The following TRPM7 variants were observed in gnomAD, a reference collection of about 807,000 sequenced individuals.
The protein encoded by TRPM7 is transient receptor potential cation channel subfamily M member 7, also known as LTRPC ion channel family member 7.
A neutral mutation model predicts 229.7 loss-of-function variants in TRPM7; 134 were observed. That is an observed-to-expected ratio of 0.58 (90% CI 0.51 to 0.67). The LOEUF (loss-of-function observed/expected upper bound fraction) is 0.67, where lower values mean the gene tolerates loss of function less well. Among genes scored for constraint, TRPM7 ranks in the 30% least tolerant of loss-of-function variants. The pLI is 0.00. For synonymous variants in TRPM7, 699 were observed against 715.2 expected (o/e 0.98, Z 0.36); for missense variants, 1,901 against 2,210.0 (o/e 0.86, Z 2.80).
intron 31 of TRPM7, 144 bp from the exon 32 acceptor site, chr15:50,576,063 G>T: frequency 1.3e-6 from 1 of 774,982 alleles, no homozygotes; most frequent in African/African-American, 1.8e-5. Flanking sequence ...GATAAAATAT[G>T]TCCACTGTGC....
rs1466267886 is a variant in TRPM7, at chr15:50,559,484, T to A, written c.*2194A>T. The stretch of plus-strand genomic sequence containing the variant: ...CTGGGATTACAGGCATGAGCCACCA[T>A]GCCCCACCAAGACAAACAAAACAAA... On this transcript the variant is annotated 3_prime_UTR_variant, in exon 39 of 39. Transcript: ENST00000646667. The A allele has an allele frequency of 1.3e-5, 2 of 148,788 alleles. No individual in the cohort carries two copies. Among genetic ancestry groups the A allele is most frequent in the Admixed American group, 6.9e-5 (1 of 14,428 alleles). 9.2% of individuals were successfully genotyped at this position (148,788 alleles called of 1,614,324 possible).
Position 50,632,976 on chromosome 15 carries a change from C to T in TRPM7, c.1024G>A (p.Ala342Thr). Reference sequence around the variant, plus strand: ...ATAGTGGAAATAATATCGGGCTCTGCTGCATCAGGAAGATTCCTGGAATAA... The same window carrying T: ...ATAGTGGAAATAATATCGGGCTCTGTTGCATCAGGAAGATTCCTGGAATAA... The part of the protein sequence containing the change: ...TEEGGNLPDA[A>T]EPDIISTIKK... The change falls in exon 9 of 39, where the codon GCA (alanine) becomes ACA (threonine). Residue 342 changes from alanine to threonine, a missense_variant. This residue lies in a region of TRPM7 where 794 missense variants were observed against 881.9 expected (regional missense o/e 0.90). Transcript: ENST00000646667. 1 of 1,586,914 alleles carries T rather than the reference C, an allele frequency of 6.3e-7. No homozygotes were observed. Among genetic ancestry groups the T allele is most frequent in the Non-Finnish European group, 8.5e-7 (1 of 1,172,590 alleles).
intron 12 of TRPM7, among the ~76,000 whole-genome samples, chr15:50,620,623 G>GC (rs2060367326): frequency 6.6e-6 from 1 of 151,956 alleles, no homozygotes; most frequent in African/African-American, 2.4e-5. Flanking sequence ...ACTTTGCTCT[G>GC]CCTTCTTTTT....
chr15:50,599,628 T>C lies in TRPM7; in HGVS notation c.2989-332A>G, dbSNP rs142970313. On this transcript the variant is annotated intron_variant, in intron 21 of 38. Transcript: ENST00000646667. ...AAGAAGTACAGAGACACAGACAGAT[T>C]TAGGGAATCAATTTCCACAACTGCC... The C allele has an allele frequency of 1.7e-3, 297 of 172,856 alleles. 1 individual carries two copies. Among genetic ancestry groups the C allele is most frequent in the African/African-American group, 6.4e-3 (271 of 42,386 alleles). 10.7% of individuals were successfully genotyped at this position (172,856 alleles called of 1,614,324 possible). A position where few individuals can be genotyped will look rare whatever the true frequency, so the allele number is the denominator to read the frequency against.
chr15:50,648,822 G>A lies in TRPM7; in HGVS notation c.186C>T (p.Tyr62=). The part of the protein sequence containing the change: ...ACFTASLAMK[Y]SDVKLGDHFN... The stretch of plus-strand genomic sequence containing the variant: ...AATGGTCACCCAATTTCACATCTGA[G>A]TATTTCATGGCAAGACTTGCAGTAA... Residue 62 remains tyrosine (Y), a synonymous_variant, in exon 4 of 39, where the codon TAC becomes TAT. Coordinates refer to ENST00000646667, the MANE Select transcript of TRPM7 (RefSeq NM_017672.6). 2 of 1,613,094 alleles carry A rather than the reference G, an allele frequency of 1.2e-6. No individual in the cohort carries two copies. Among genetic ancestry groups the A allele is most frequent in the Non-Finnish European group, 1.7e-6 (2 of 1,179,462 alleles).
At chr15:50,585,396 TAGAATGTAAAACAGA>T (rs2054651736) in intron 28 of TRPM7, among the ~76,000 whole-genome samples, 1 of 152,212 alleles carries the variant, frequency 6.6e-6, no homozygotes, top group South Asian at 2.1e-4. Flanking sequence ...CTGCTCTGGC[TAGAATGTAAAACAGA>T]AACAGTAACA....
intron 1 of TRPM7, among the ~76,000 whole-genome samples, chr15:50,684,177 G>C (rs1596360462): frequency 1.3e-5 from 2 of 148,224 alleles, no homozygotes; most frequent in East Asian, 4.1e-4. Flanking sequence ...TTCTGAGACA[G>C]AGTCTCACTC....
At chr15:50,607,113 C>A in intron 20 of TRPM7, 87 bp downstream of exon 20, 1 of 1,210,206 alleles carries the variant, frequency 8.3e-7, no homozygotes, top group Non-Finnish European at 1.2e-6. Flanking sequence ...CACACACACC[C>A]CCCTACGTAT....
rs1393880340 is a variant in TRPM7, at chr15:50,604,793, T to C, written c.2988+73A>G. 41 of 1,391,604 alleles carry C rather than the reference T, an allele frequency of 2.9e-5. No individual in the cohort carries two copies. In the East Asian group the frequency reaches 8.9e-4, roughly 30 times the overall value. 86.2% of individuals were successfully genotyped at this position (1,391,604 alleles called of 1,614,324 possible). A position where few individuals can be genotyped will look rare whatever the true frequency, so the allele number is the denominator to read the frequency against. On this transcript the variant is annotated intron_variant, in intron 21 of 38. Coordinates refer to ENST00000646667, the MANE Select transcript of TRPM7 (RefSeq NM_017672.6). ...ACATTCACTGGCTCAAATAAAACTA[T>C]GTTAATAACATTTTTGTGATTTTTT...
At chr15:50,661,941 G>T (rs1038045137) in intron 2 of TRPM7, among the ~76,000 whole-genome samples, 1 of 152,088 alleles carries the variant, frequency 6.6e-6, no homozygotes, top group Non-Finnish European at 1.5e-5. Context: ...AAATTTGCTG[G>T]GTGCGGTGGC....
At chr15:50,577,052 C>T (rs1033909146) in intron 31 of TRPM7, among the ~76,000 whole-genome samples, 1 of 150,628 alleles carries the variant, frequency 6.6e-6, no homozygotes, top group Non-Finnish European at 1.5e-5. Flanking sequence ...GTTGAGGCTG[C>T]AGTGAGCAAA....
chr15:50,623,797 GAA>G (rs11455584), intron 12 of TRPM7, among the ~76,000 whole-genome samples: 7 of 142,750 alleles, frequency 4.9e-5, no homozygotes, highest in Admixed American at 3.5e-4. Flanking sequence ...TGTAAAAAAA[GAA>G]AAAAAAAAAG....
rs1457793506 is a variant in TRPM7 at position 50,632,941 on chromosome 15, T to C, written c.1059A>G (p.Thr353=). ...EPDIISTIKK[T]FNFGQNEALH... ...GTGCTTCATTCTGGCCAAAGTTAAA[T>C]GTTTTTTTGATAGTGGAAATAATAT... Residue 353 remains threonine (T), a synonymous_variant, in exon 9 of 39, where the codon ACA becomes ACG. Coordinates refer to ENST00000646667, the MANE Select transcript of TRPM7 (RefSeq NM_017672.6). The C allele has an allele frequency of 1.2e-6, 2 of 1,606,820 alleles. No individual in the cohort carries two copies. The highest frequency in any genetic ancestry group is 1.3e-5 in the African/African-American group (1 of 74,294).
intron 21 of TRPM7, among the ~76,000 whole-genome samples, chr15:50,601,669 T>G (rs576353025): frequency 3.9e-4 from 60 of 152,046 alleles, no homozygotes; most frequent in African/African-American, 1.4e-3. Context: ...AAAGTAAAAT[T>G]TTTAAAAATG....
chr15:50,631,363 T>C lies in TRPM7; in HGVS notation c.1204+54A>G, dbSNP rs965540052. 10 of 1,100,062 alleles carry C rather than the reference T, an allele frequency of 9.1e-6. No homozygotes were observed. The African/African-American group carries it at 1.3e-4, about 14-fold the overall frequency. 68.1% of individuals were successfully genotyped at this position (1,100,062 alleles called of 1,614,324 possible). A position where few individuals can be genotyped will look rare whatever the true frequency, so the allele number is the denominator to read the frequency against. ...ACACATATACACACATACACACACA[T>C]ATACATACATAAAATAAAAGGTCTT... On this transcript the variant is annotated intron_variant, in intron 10 of 38. Transcript: ENST00000646667.
chr15:50,619,725 A>G lies in TRPM7; in HGVS notation c.1494+20T>C. 1 of 1,550,734 alleles carries G rather than the reference A, an allele frequency of 6.4e-7. No individual in the cohort carries two copies. The highest frequency in any genetic ancestry group is 8.7e-7 in the Non-Finnish European group (1 of 1,155,048). On this transcript the variant is annotated intron_variant, in intron 13 of 38. Transcript: ENST00000646667. ...ATTTTTTAAAATAACATTTTTCAAA[A>G]GCAAAAAATAATCTCTTACCTGTTT...
chr15:50,667,693 G>A (rs1045182298), intron 1 of TRPM7, among the ~76,000 whole-genome samples: 31 of 152,004 alleles, frequency 2.0e-4, no homozygotes, highest in African/African-American at 7.5e-4. Context: ...GGCAACAGAA[G>A]GAGACTCCAT....
At chr15:50,580,948 A>C in intron 29 of TRPM7, 40 bp from the exon 30 acceptor site, 1 of 1,558,234 alleles carries the variant, frequency 6.4e-7, no homozygotes, top group Non-Finnish European at 8.6e-7. Flanking sequence ...AAAACCTTAA[A>C]GACAAAAATC....
At chr15:50,605,497 T>C (rs770562685) in intron 20 of TRPM7, among the ~76,000 whole-genome samples, 17 of 152,214 alleles carry the variant, frequency 1.1e-4, no homozygotes, top group Non-Finnish European at 1.3e-4. Flanking sequence ...CCTGCCTTCT[T>C]TGTAGAAAGT....
Sources: gnomAD v4.1 joint callset for allele counts (sites outside exome capture counted in the v4.1 genomes callset) on GRCh38, gnomAD v4.1.1 for gene constraint, gnomAD v4.1.1 regional missense constraint, MANE v1.5 for transcripts, NCBI Gene and HGNC (gene_info 2026-07-23, HGNC 2026-07-21) for gene names.